DNAAF4: variants seen among roughly 807,000 people sequenced by gnomAD.
DNAAF4 encodes dynein axonemal assembly factor 4.
DNAAF4 carries 43 observed loss-of-function variants against 51.8 expected under a neutral mutation model. The ratio of observed to expected loss-of-function variants is 0.83; its 90% confidence interval spans 0.65 to 1.07. The LOEUF (loss-of-function observed/expected upper bound fraction) is 1.07. DNAAF4 is among the 50% of genes least tolerant of loss of function. DNAAF4 has a pLI of 0.00. For synonymous variants in DNAAF4, 194 were observed against 165.6 expected (o/e 1.17, Z -1.32); for missense variants, 581 against 493.0 (o/e 1.18, Z -1.69).
chr15:55,433,895 T>TTA lies in DNAAF4; in HGVS notation c.1047+1008_1047+1009dup, dbSNP rs1390489662. Reference sequence around the variant, plus strand: ...ATATATTACATATATTATATATATATTATATATATTATATATAATTATATA... The same window carrying TTA: ...ATATATTACATATATTATATATATATTATATATATATTATATATAATTATATA... On this transcript the variant is annotated intron_variant, in intron 8 of 9. Transcript: ENST00000321149. Among the ~76,000 whole-genome samples, 3 of 45,734 alleles carry TTA rather than the reference T, an allele frequency of 6.6e-5. 1 individual carries two copies. Among genetic ancestry groups the TTA allele is most frequent in the South Asian group, 9.6e-4 (2 of 2,088 alleles). 30.0% of individuals were successfully genotyped at this position (45,734 alleles called of 152,430 possible). A position where few individuals can be genotyped will look rare whatever the true frequency, so the allele number is the denominator to read the frequency against.
At chr15:55,485,764 G>A (rs1270267269) in intron 4 of DNAAF4, among the ~76,000 whole-genome samples, 2 of 152,126 alleles carry the variant, frequency 1.3e-5, no homozygotes, top group South Asian at 2.1e-4. Flanking sequence ...GGAGGCTGAG[G>A]CAGGCAAATC....
Position 55,498,575 on chromosome 15 carries a change from C to T in DNAAF4, c.-246G>A. 3.7e-6 allele frequency: 1 copy of T among 270,460 alleles called. No homozygotes were observed. The highest frequency in any genetic ancestry group is 6.4e-6 in the Non-Finnish European group (1 of 155,114). The allele number at this position is 270,460 out of a possible 1,614,324, so 16.8% of individuals were successfully genotyped here. The stretch of plus-strand genomic sequence containing the variant: ...CTGAGCGAATGTTCAAAGAAGTAGA[C>T]CCATACCCTCTGCTTGAGAAAAAAA... On this transcript the variant is annotated 5_prime_UTR_variant, in exon 2 of 10. Coordinates refer to ENST00000321149, the MANE Select transcript of DNAAF4 (RefSeq NM_130810.4).
chr15:55,446,612 C>T (rs1446430497), intron 6 of DNAAF4, among the ~76,000 whole-genome samples: 27 of 133,376 alleles, frequency 2.0e-4, no homozygotes, highest in African/African-American at 7.2e-4. Flanking sequence ...CCAGACAGGG[C>T]GGCCGAGCAG....
chr15:55,445,481 C>A (rs2057784135), intron 6 of DNAAF4, among the ~76,000 whole-genome samples: 1 of 152,064 alleles, frequency 6.6e-6, no homozygotes, highest in Admixed American at 6.6e-5. Context: ...TCTTTCTTTT[C>A]CCCAAATTTC....
intron 4 of DNAAF4, among the ~76,000 whole-genome samples, chr15:55,485,134 G>A (rs1186248080): frequency 6.6e-6 from 1 of 152,154 alleles, no homozygotes; most frequent in East Asian, 1.9e-4. Flanking sequence ...ATAAACACTG[G>A]CCAAAGACAT....
chr15:55,507,578 G>A (rs955866624), intron 1 of DNAAF4, among the ~76,000 whole-genome samples: 15 of 152,144 alleles, frequency 9.9e-5, no homozygotes, highest in African/African-American at 2.9e-4. Context: ...GTCAGGGGTC[G>A]TCTGTAAAGA....
chr15:55,495,717 T>C (rs2058631941), intron 3 of DNAAF4, among the ~76,000 whole-genome samples: 7 of 152,022 alleles, frequency 4.6e-5, no homozygotes, highest in African/African-American at 1.4e-4. Context: ...GCGTTGGTGA[T>C]AGGGTGAGAT....
intron 4 of DNAAF4, among the ~76,000 whole-genome samples, chr15:55,473,323 G>GTA (rs1487770750): frequency 2.1e-5 from 3 of 139,926 alleles, no homozygotes; most frequent in African/African-American, 8.1e-5. Flanking sequence ...ATATATGTGT[G>GTA]TATATATATG....
chr15:55,501,222 C>T (rs2058696132), intron 1 of DNAAF4, among the ~76,000 whole-genome samples: 2 of 149,448 alleles, frequency 1.3e-5, no homozygotes, highest in Non-Finnish European at 3.0e-5. Flanking sequence ...CACCACGAAG[C>T]CCAGCTAATT....
At chr15:55,439,678 T>C in intron 6 of DNAAF4, 97 bp from the exon 7 acceptor site, 1 of 1,032,844 alleles carries the variant, frequency 9.7e-7, no homozygotes, top group Non-Finnish European at 1.4e-6. Flanking sequence ...GATTGAAATA[T>C]TATTTGCTAT....
intron 7 of DNAAF4, chr15:55,418,402 T>C (rs556591879): frequency 6.5e-7 from 1 of 1,533,176 alleles, no homozygotes. Context: ...CAAGTCATTA[T>C]GGTGAATTTC....
intron 4 of DNAAF4, among the ~76,000 whole-genome samples, chr15:55,472,798 G>C (rs1006895896): frequency 6.6e-6 from 1 of 152,066 alleles, no homozygotes; most frequent in Non-Finnish European, 1.5e-5. Context: ...TAGAATGAAT[G>C]TCTGGTCAAC....
At chr15:55,462,928 C>G (rs891803814) in intron 5 of DNAAF4, among the ~76,000 whole-genome samples, 1 of 152,074 alleles carries the variant, frequency 6.6e-6, no homozygotes, top group Non-Finnish European at 1.5e-5. Flanking sequence ...CCCAGCACTT[C>G]GGGAAGCCGA....
chr15:55,446,226 GCAGC>G, intron 6 of DNAAF4, among the ~76,000 whole-genome samples: 1 of 136,822 alleles, frequency 7.3e-6, no homozygotes, highest in Non-Finnish European at 1.6e-5. Flanking sequence ...AGAAGGGGTG[GCAGC>G]TGGGCAGAGG....
intron 4 of DNAAF4, among the ~76,000 whole-genome samples, chr15:55,487,045 C>A (rs530729125): frequency 3.3e-5 from 5 of 152,276 alleles, no homozygotes; most frequent in Non-Finnish European, 5.9e-5. Context: ...TGGAAAATCC[C>A]TTAAGAGAGT....
chr15:55,495,906 T>C (rs2058634345), intron 3 of DNAAF4, among the ~76,000 whole-genome samples: 1 of 152,142 alleles, frequency 6.6e-6, no homozygotes, highest in African/African-American at 2.4e-5. Flanking sequence ...ACTAGCTTAA[T>C]AAGACTACAG....
chr15:55,422,036 A>C (rs865906336), intron 7 of DNAAF4, among the ~76,000 whole-genome samples: 3 of 151,668 alleles, frequency 2.0e-5, no homozygotes, highest in African/African-American at 7.3e-5. Flanking sequence ...ACCAAAAAGC[A>C]TGTATAAATA....
chr15:55,441,618 G>T (rs1301511780), intron 6 of DNAAF4, among the ~76,000 whole-genome samples: 1 of 149,874 alleles, frequency 6.7e-6, no homozygotes, highest in Non-Finnish European at 1.5e-5. Context: ...CTGTGTCCAA[G>T]TGTTCTCATT....
At chr15:55,433,553 G>A (rs532524847) in intron 8 of DNAAF4, among the ~76,000 whole-genome samples, 67 of 147,860 alleles carry the variant, frequency 4.5e-4, no homozygotes, top group African/African-American at 1.6e-3. Context: ...GTGAACCGGG[G>A]AGGCGGAGCT....
Sources: gnomAD v4.1 joint callset for allele counts (sites outside exome capture counted in the v4.1 genomes callset) on GRCh38, gnomAD v4.1.1 for gene constraint, MANE v1.5 for transcripts, NCBI Gene and HGNC (gene_info 2026-07-23, HGNC 2026-07-21) for gene names.